BRDT: variants seen among roughly 807,000 people sequenced by gnomAD.
BRDT encodes bromodomain testis associated, also known as bromodomain testis-specific protein.
BRDT carries 77 observed loss-of-function variants against 113.9 expected under a neutral mutation model. That is an observed-to-expected ratio of 0.68 (90% CI 0.56 to 0.82). The LOEUF is 0.82. BRDT is among the 40% of genes least tolerant of loss of function. The pLI, the probability that BRDT is intolerant of heterozygous loss-of-function variation, is 0.00. For missense variants in BRDT, 1,027 were observed against 1,105.4 expected (o/e 0.93, Z 1.01); for synonymous variants, 358 against 366.5 (o/e 0.98, Z 0.26).
intron 16 of BRDT, 151 bp from the exon 17 acceptor site, chr1:92,004,263 T>G: frequency 1.9e-6 from 1 of 512,822 alleles, no homozygotes; most frequent in South Asian, 4.4e-5. Flanking sequence ...TTAGTAACCT[T>G]TGACTTTAGT....
At chr1:91,978,757 T>C (rs1490288860) in intron 7 of BRDT, among the ~76,000 whole-genome samples, 1 of 151,926 alleles carries the variant, frequency 6.6e-6, no homozygotes, top group Non-Finnish European at 1.5e-5. Context: ...TCCCAGCACT[T>C]TGGGAGGCCG....
At chr1:91,986,626 C>G (rs1685264510) in intron 12 of BRDT, among the ~76,000 whole-genome samples, 1 of 152,060 alleles carries the variant, frequency 6.6e-6, no homozygotes, top group African/African-American at 2.4e-5. Context: ...TTTATAAGTT[C>G]TTTAAATAAC....
At chr1:91,984,226 T>G (rs139449879) in intron 12 of BRDT, among the ~76,000 whole-genome samples, 1 of 152,306 alleles carries the variant, frequency 6.6e-6, no homozygotes, top group East Asian at 1.9e-4. Context: ...TTTTTTGCCT[T>G]TCTCCACATA....
At chr1:92,014,060 C>A in intron 18 of BRDT, 146 bp from the exon 19 acceptor site, 1 of 534,178 alleles carries the variant, frequency 1.9e-6, no homozygotes, top group Non-Finnish European at 3.3e-6. Context: ...ATTTATTGTT[C>A]AACCTGAGAA....
intron 12 of BRDT, among the ~76,000 whole-genome samples, chr1:91,988,280 G>C (rs1284184139): frequency 6.6e-6 from 1 of 152,126 alleles, no homozygotes; most frequent in Non-Finnish European, 1.5e-5. Flanking sequence ...GTTTAATAGT[G>C]CATATATTAT....
chr1:91,972,006 CT>C (rs1002745728), intron 4 of BRDT, among the ~76,000 whole-genome samples: 171 of 144,846 alleles, frequency 1.2e-3, no homozygotes, highest in Middle Eastern at 7.4e-3. Context: ...GCTATTGTTC[CT>C]TTTTTTTTTT....
chr1:91,981,547 G>T (rs768536883), intron 11 of BRDT, 71 bp from the exon 12 acceptor site: 172 of 1,588,298 alleles, frequency 1.1e-4, no homozygotes, highest in Non-Finnish European at 1.4e-4. Context: ...CCCAGCCTAG[G>T]TGGCAGTTTT....
Position 91,962,759 on chromosome 1 carries a change from C to T in BRDT, c.5C>T (p.Ser2Phe), listed in dbSNP as rs55806733. 1.4e-5 allele frequency: 22 copies of T among 1,583,926 alleles called. No individual in the cohort carries two copies. In the East Asian group the frequency reaches 4.5e-4, roughly 33 times the overall value. ...CAGGATTCAAAGCAGTTAAGAATGT[C>T]TCTGCCAAGTCGACAAACAGCTATT... M[S>F]LPSRQTAIIV... The change falls in exon 2 of 19, where the codon TCT becomes TTT. Residue 2 changes from serine (S) to phenylalanine (F), a missense_variant. Coordinates refer to ENST00000399546, the MANE Select transcript of BRDT (RefSeq NM_207189.4).
In BRDT at chr1:91,968,146, C is replaced by T. The variant is rs753397891; in HGVS notation, c.331C>T (p.Pro111Ser). ...MFSNCYLYNK[P>S]GDDIVLMAQA... ...ATGGTATATTTAATATATTTTGTAG[C>T]CTGGAGATGACATTGTTCTTATGGC... The change falls in exon 4 of 19, where the codon CCT becomes TCT. Residue 111 changes from proline (P) to serine (S), a missense_variant and splice_region_variant. Physicochemically the swap from Pro to Ser is moderately conservative, Grantham distance 74. Transcript: ENST00000399546. 1 of 1,613,486 alleles carries T rather than the reference C, an allele frequency of 6.2e-7. No homozygotes were observed. The highest frequency in any genetic ancestry group is 1.3e-5 in the African/African-American group (1 of 74,866).
intron 4 of BRDT, among the ~76,000 whole-genome samples, chr1:91,974,626 G>A (rs1286808421): frequency 6.6e-6 from 1 of 152,080 alleles, no homozygotes. Flanking sequence ...AAAAAGTCAG[G>A]AAACAACAGG....
At chr1:91,964,530 T>C in intron 2 of BRDT, 97 bp from the exon 3 acceptor site, 1 of 740,738 alleles carries the variant, frequency 1.3e-6, no homozygotes, top group Non-Finnish European at 2.0e-6. Context: ...AGTTGCTCTC[T>C]CTAGTTGCAG....
At chr1:91,952,567 C>CT (rs11424269) in intron 1 of BRDT, among the ~76,000 whole-genome samples, 152,149 of 152,218 alleles carry the variant, frequency 1, 76,040 homozygotes, top group Non-Finnish European at 1. Context: ...TTAAAGGAGA[C>CT]TGACAAAGTT....
At chr1:92,012,737 C>A (rs1260352399) in intron 18 of BRDT, among the ~76,000 whole-genome samples, 2 of 147,996 alleles carry the variant, frequency 1.4e-5, no homozygotes, top group East Asian at 4.1e-4. Context: ...ATAGTGAAAC[C>A]CCATCTCTAC....
chr1:91,952,768 A>G (rs2101473620), intron 1 of BRDT, among the ~76,000 whole-genome samples: 1 of 97,500 alleles, frequency 1.0e-5, no homozygotes, highest in Admixed American at 1.4e-4. Flanking sequence ...ACGTAGTGAG[A>G]CCCATCTCCA....
In BRDT at chr1:92,004,513, A is replaced by G; in HGVS notation, c.2488A>G (p.Arg830Gly). The G allele has an allele frequency of 1.9e-6, 3 of 1,613,634 alleles. No homozygotes were observed. The highest frequency in any genetic ancestry group is 2.5e-6 in the Non-Finnish European group (3 of 1,179,766). Reference sequence around the variant, plus strand: ...CTCAGATGAGCTCTTCAACCAATTTAGAAAAGCAGCCATAGAAAAGGAAGT... The same window carrying G: ...CTCAGATGAGCTCTTCAACCAATTTGGAAAAGCAGCCATAGAAAAGGAAGT... The part of the protein sequence containing the change: ...KSSDELFNQF[R>G]KAAIEKEVKA... The change falls in exon 17 of 19, where the codon AGA (arginine) becomes GGA (glycine). Residue 830 changes from arginine to glycine, a missense_variant. Transcript: ENST00000399546.
Position 92,005,202 on chromosome 1 carries a change from A to G in BRDT, c.2678A>G (p.Gln893Arg). ...KCSGEEQKEH[Q>R]QSSEAQDKSK... ...TCTGGAGAAGAGCAGAAAGAACATC[A>G]GCAGTCATCAGAAGCTCAAGATAAA... The change falls in exon 18 of 19, where the codon CAG becomes CGG. Residue 893 changes from glutamine to arginine, a missense_variant. Physicochemically the swap from Gln to Arg is conservative, Grantham distance 43. Transcript: ENST00000399546. 1 of 1,590,046 alleles carries G rather than the reference A, an allele frequency of 6.3e-7. No individual in the cohort carries two copies. Among genetic ancestry groups the G allele is most frequent in the Non-Finnish European group, 8.5e-7 (1 of 1,170,222 alleles).
At chr1:91,969,311 C>G (rs1192141491) in intron 4 of BRDT, among the ~76,000 whole-genome samples, 2 of 149,488 alleles carry the variant, frequency 1.3e-5, no homozygotes, top group African/African-American at 4.9e-5. Flanking sequence ...ATATAGGAGG[C>G]TTGTAATAGG....
intron 8 of BRDT, among the ~76,000 whole-genome samples, chr1:91,980,345 G>T (rs12138537): frequency 0.7 from 106,717 of 151,926 alleles, 38,744 homozygotes; most frequent in Middle Eastern, 0.81. Context: ...GGGTGACAGA[G>T]CAAGACCCTG....
chr1:92,008,079 G>T (rs759536111), intron 18 of BRDT, among the ~76,000 whole-genome samples: 1 of 151,986 alleles, frequency 6.6e-6, no homozygotes, highest in Non-Finnish European at 1.5e-5. Context: ...CACCACGCCT[G>T]GTAAATTTTT....
Sources: gnomAD v4.1 joint callset for allele counts (sites outside exome capture counted in the v4.1 genomes callset) on GRCh38, gnomAD v4.1.1 for gene constraint, MANE v1.5 for transcripts, NCBI Gene and HGNC (gene_info 2026-07-23, HGNC 2026-07-21) for gene names.